The following CDC42SE2 variants were observed in gnomAD, a reference collection of about 807,000 sequenced individuals.
The protein encoded by CDC42SE2 is CDC42 small effector 2.
A neutral mutation model predicts 11.5 loss-of-function variants in CDC42SE2; 3 were observed. The ratio of observed to expected loss-of-function variants is 0.26; its 90% CI spans 0.12 to 0.67. The LOEUF is 0.67. Ranked by LOEUF, CDC42SE2 falls within the 30% of genes least tolerant of loss-of-function variation. CDC42SE2 has a pLI of 0.80. For synonymous variants in CDC42SE2, 33 were observed against 34.8 expected, an observed-to-expected ratio of 0.95 and a Z score of 0.18; for missense variants, 82 against 106.8, an observed-to-expected ratio of 0.77 and a Z score of 1.02.
intron 1 of CDC42SE2, among the ~76,000 whole-genome samples, chr5:131,312,649 GT>G (rs1372174651): frequency 6.6e-6 from 1 of 152,210 alleles, no homozygotes; most frequent in Non-Finnish European, 1.5e-5. Flanking sequence ...GTGGTGCGCT[GT>G]TTTTTAAGCC....
chr5:131,348,673 T>A (rs1420939725), intron 2 of CDC42SE2, among the ~76,000 whole-genome samples: 1 of 152,174 alleles, frequency 6.6e-6, no homozygotes, highest in Admixed American at 6.5e-5. Context: ...AAAAAGAGCC[T>A]GCATTGCCTA....
chr5:131,251,520 T>C (rs996447894), intron 1 of CDC42SE2, among the ~76,000 whole-genome samples: 1 of 152,192 alleles, frequency 6.6e-6, no homozygotes, highest in African/African-American at 2.4e-5. Flanking sequence ...TTTAACATGC[T>C]TTTTAGTAAG....
At chr5:131,313,015 C>T (rs982796135) in intron 1 of CDC42SE2, among the ~76,000 whole-genome samples, 2 of 151,222 alleles carry the variant, frequency 1.3e-5, no homozygotes, top group Non-Finnish European at 2.9e-5. Flanking sequence ...CGGAGTCTTG[C>T]TCTGTCACCC....
chr5:131,303,444 A>G (rs768746986), intron 1 of CDC42SE2, among the ~76,000 whole-genome samples: 7 of 152,236 alleles, frequency 4.6e-5, no homozygotes, highest in African/African-American at 7.2e-5. Context: ...AAAGTACTCA[A>G]AATGTTACTG....
chr5:131,276,137 G>A (rs1189598290), intron 1 of CDC42SE2, among the ~76,000 whole-genome samples: 1 of 149,522 alleles, frequency 6.7e-6, no homozygotes, highest in East Asian at 1.9e-4. Context: ...GATCTCATTT[G>A]CTGTTGGTTG....
intron 1 of CDC42SE2, among the ~76,000 whole-genome samples, chr5:131,308,751 G>T (rs1035124968): frequency 8.7e-5 from 13 of 149,964 alleles, no homozygotes; most frequent in African/African-American, 2.7e-4. Context: ...CTGTTTGTCT[G>T]TTGTTGGTGT....
At position 131,391,148 on chromosome 5, in the gene CDC42SE2, C is replaced by G. The variant is rs556071927; in HGVS notation, c.*57C>G. On this transcript the variant is annotated 3_prime_UTR_variant, in exon 5 of 5. Transcript: ENST00000505065. ...CTGGGGTCTGGACCTGACGGCCAGACATGGCCAGGCCAATAATAGTAAATA... is the reference window on the plus strand; with the variant it reads ...CTGGGGTCTGGACCTGACGGCCAGAGATGGCCAGGCCAATAATAGTAAATA... 4 of 1,176,932 alleles carry G rather than the reference C, an allele frequency of 3.4e-6. No homozygotes were observed. The highest frequency in any genetic ancestry group is 5.0e-6 in the Non-Finnish European group (4 of 800,528). 72.9% of individuals were successfully genotyped at this position (1,176,932 alleles called of 1,614,324 possible). A position where few individuals can be genotyped will look rare whatever the true frequency, so the allele number is the denominator to read the frequency against.
chr5:131,230,053 C>T, the CDC42SE2 span, among the ~76,000 whole-genome samples: 3 of 152,146 alleles, frequency 2.0e-5, no homozygotes, highest in African/African-American at 7.2e-5. Context: ...AGAAATAAAA[C>T]CTTTCCAATA....
At chr5:131,309,860 G>A (rs1561579758) in intron 1 of CDC42SE2, among the ~76,000 whole-genome samples, 4 of 151,998 alleles carry the variant, frequency 2.6e-5, no homozygotes, top group Admixed American at 2.6e-4. Flanking sequence ...AGTCTTGCTA[G>A]CGGTCTATCA....
chr5:131,258,445 C>T (rs568708064), intron 2 of CDC42SE2, among the ~76,000 whole-genome samples: 1 of 152,274 alleles, frequency 6.6e-6, no homozygotes, highest in Non-Finnish European at 1.5e-5. Context: ...TGTAACTTGA[C>T]ATAGCAGAGT....
intron 2 of CDC42SE2, among the ~76,000 whole-genome samples, chr5:131,347,123 A>C (rs1028947103): frequency 1.3e-5 from 2 of 152,238 alleles, no homozygotes; most frequent in South Asian, 2.1e-4. Context: ...CAAAAGCTAG[A>C]AGAAGGCAAG....
intron 3 of CDC42SE2, among the ~76,000 whole-genome samples, chr5:131,380,988 G>A (rs1390849546): frequency 1.3e-5 from 2 of 152,144 alleles, no homozygotes; most frequent in Non-Finnish European, 2.9e-5. Context: ...GCACGTATTT[G>A]TCTTTAATTG....
At chr5:131,267,029 A>AT (rs1169233971) in intron 1 of CDC42SE2, among the ~76,000 whole-genome samples, 1 of 108,596 alleles carries the variant, frequency 9.2e-6, no homozygotes, top group Non-Finnish European at 1.8e-5. Context: ...GTTAAAATAT[A>AT]TTTTTCCAAG....
intron 1 of CDC42SE2, among the ~76,000 whole-genome samples, chr5:131,254,203 G>A (rs1260872969): frequency 6.6e-6 from 1 of 152,014 alleles, no homozygotes; most frequent in Non-Finnish European, 1.5e-5. Context: ...CCTCCCCCCA[G>A]CAGGCCCTGG....
At chr5:131,304,364 T>C (rs903385728) in intron 1 of CDC42SE2, among the ~76,000 whole-genome samples, 1 of 152,066 alleles carries the variant, frequency 6.6e-6, no homozygotes, top group Non-Finnish European at 1.5e-5. Flanking sequence ...GACAGGTAGA[T>C]AGGGATAGAG....
the CDC42SE2 span, among the ~76,000 whole-genome samples, chr5:131,230,449 G>A: frequency 6.6e-6 from 1 of 152,134 alleles, no homozygotes; most frequent in Non-Finnish European, 1.5e-5. Context: ...AGGCGAAGGG[G>A]CAAAAAAGTG....
At chr5:131,347,271 AAG>A (rs892482228) in intron 2 of CDC42SE2, among the ~76,000 whole-genome samples, 3 of 152,174 alleles carry the variant, frequency 2.0e-5, no homozygotes, top group Non-Finnish European at 2.9e-5. Context: ...TAAAGAAGAA[AAG>A]AGAGAAGAAT....
At chr5:131,217,105 C>G in the CDC42SE2 span, among the ~76,000 whole-genome samples, 1 of 152,186 alleles carries the variant, frequency 6.6e-6, no homozygotes. Flanking sequence ...TGGTGGCAGA[C>G]TACAGCAGGA....
the CDC42SE2 span, among the ~76,000 whole-genome samples, chr5:131,231,852 C>T: frequency 1.3e-5 from 2 of 151,666 alleles, no homozygotes; most frequent in Non-Finnish European, 2.9e-5. Flanking sequence ...AGTGTGGTGG[C>T]ACGATCTCCA....
Sources: gnomAD v4.1 joint callset for allele counts (sites outside exome capture counted in the v4.1 genomes callset) on GRCh38, gnomAD v4.1.1 for gene constraint, MANE v1.5 for transcripts, NCBI Gene and HGNC (gene_info 2026-07-23, HGNC 2026-07-21) for gene names.